ABHD12: variants seen among roughly 807,000 people sequenced by gnomAD.
ABHD12 encodes the protein lysophosphatidylserine lipase ABHD12.
ABHD12 carries 43 observed loss-of-function variants against 58.3 expected under a neutral mutation model. The ratio of observed to expected loss-of-function variants is 0.74; its 90% CI spans 0.58 to 0.95. ABHD12 has a LOEUF of 0.95. ABHD12 is among the 40% of genes least tolerant of loss of function. The pLI is 0.00. For missense variants in ABHD12, 539 were observed against 537.2 expected (o/e 1.00, Z -0.03); for synonymous variants, 219 against 211.2 (o/e 1.04, Z -0.32).
chr20:25,302,208 G>T lies in ABHD12; in HGVS notation c.1157+11C>A, dbSNP rs886315445. 2 of 1,612,870 alleles carry T rather than the reference G, an allele frequency of 1.2e-6. No homozygotes were observed. The highest frequency in any genetic ancestry group is 3.3e-5 in the Admixed American group (2 of 60,026). The stretch of plus-strand genomic sequence containing the variant: ...CAGACGAAGCCCCTGGGTGGGAAGA[G>T]AATGTCTCACCTCAGTATCCGTGGC... On this transcript the variant is annotated intron_variant, in intron 12 of 12. Coordinates refer to ENST00000339157, the MANE Select transcript of ABHD12 (RefSeq NM_001042472.3).
At chr20:25,339,415 A>G (rs1176172089) in intron 1 of ABHD12, 64 bp from the exon 2 acceptor site, 2 of 1,611,002 alleles carry the variant, frequency 1.2e-6, no homozygotes, top group Non-Finnish European at 8.5e-7. Context: ...TAGTTTGTTA[A>G]TAGTGTTATC....
intron 1 of ABHD12, among the ~76,000 whole-genome samples, chr20:25,362,603 GAGGGGAGGGAAGGAC>G (rs1354093712): frequency 4.1e-5 from 6 of 144,940 alleles, no homozygotes; most frequent in Non-Finnish European, 7.6e-5. Context: ...CAGGGGAGGG[GAGGGGAGGGAAGGAC>G]AGGGGAGGGG....
At chr20:25,295,720 T>C (rs202158449), downstream of ABHD12, 48 of 1,531,466 alleles carry the variant, frequency 3.1e-5, no homozygotes, top group Non-Finnish European at 4.3e-5. Flanking sequence ...TGGGTCCATG[T>C]AGACGTGTTG....
intron 1 of ABHD12, among the ~76,000 whole-genome samples, chr20:25,379,012 C>G (rs1041457867): frequency 6.6e-6 from 1 of 152,194 alleles, no homozygotes; most frequent in African/African-American, 2.4e-5. Context: ...AATCTGTGTA[C>G]CAGCAAGCCC....
At chr20:25,386,055 C>T (rs1237669689) in intron 1 of ABHD12, among the ~76,000 whole-genome samples, 1 of 151,526 alleles carries the variant, frequency 6.6e-6, no homozygotes, top group African/African-American at 2.4e-5. Context: ...GAGCCAAGAT[C>T]GCGCCACTGC....
rs1488647556 is a variant in ABHD12, at chr20:25,342,788, A to G, written c.192-3437T>C. ...TATTTTGTAGATACGAGGTCTCCCT[A>G]TATTGCCCAGGCTGGTCTTGAACTC... On this transcript the variant is annotated intron_variant, in intron 1 of 12. Transcript: ENST00000339157. Among the ~76,000 whole-genome samples the G allele has an allele frequency of 2.6e-5, 4 of 152,106 alleles. No individual in the cohort carries two copies. The East Asian group carries it at 5.8e-4, about 22-fold the overall frequency.
intron 2 of ABHD12, chr20:25,338,828 G>A: frequency 9.8e-7 from 1 of 1,024,290 alleles, no homozygotes; most frequent in Non-Finnish European, 1.2e-6. Context: ...AACTGACAAG[G>A]CATCTCCAAC....
intron 2 of ABHD12, among the ~76,000 whole-genome samples, chr20:25,327,992 C>G (rs1423596212): frequency 6.6e-6 from 1 of 152,030 alleles, no homozygotes; most frequent in East Asian, 1.9e-4. Context: ...ACCTGACCAT[C>G]AGCACTTCCA....
chr20:25,303,403 G>A (rs1568710676), intron 11 of ABHD12, 147 bp downstream of exon 11: 8 of 1,523,568 alleles, frequency 5.3e-6, no homozygotes, highest in Non-Finnish European at 6.1e-6. Context: ...GGATGAGGTG[G>A]CCTCCTGAGC....
intron 10 of ABHD12, among the ~76,000 whole-genome samples, chr20:25,306,568 G>C (rs564118184): frequency 4.6e-5 from 7 of 152,264 alleles, no homozygotes; most frequent in Non-Finnish European, 1.0e-4. Context: ...TTTTTGTAGA[G>C]ACAGGGCCCT....
Position 25,316,119 on chromosome 20 carries a change from T to C in ABHD12, c.573+929A>G, listed in dbSNP as rs530627191. ...CCCTTGCTGGGGTGAGCCTACGACC[T>C]GGCAGTCAGTGTAGCACCTGGAGCA... On this transcript the variant is annotated intron_variant, in intron 5 of 12. Transcript: ENST00000339157. Among the ~76,000 whole-genome samples the C allele has an allele frequency of 3.9e-4, 60 of 152,022 alleles. 1 individual carries two copies. Among genetic ancestry groups the C allele is most frequent in the Non-Finnish European group, 2.5e-4 (17 of 68,004 alleles).
intron 2 of ABHD12, among the ~76,000 whole-genome samples, chr20:25,336,598 T>C (rs925501787): frequency 6.6e-6 from 1 of 152,150 alleles, no homozygotes; most frequent in African/African-American, 2.4e-5. Context: ...TCCAAATCAC[T>C]GCAGGGCCAC....
chr20:25,317,482 G>A (rs1174183942), intron 4 of ABHD12, among the ~76,000 whole-genome samples: 2 of 152,148 alleles, frequency 1.3e-5, no homozygotes, highest in Non-Finnish European at 2.9e-5. Flanking sequence ...TTCTTGCTCC[G>A]CACGTCTCAG....
chr20:25,320,223 T>C lies in ABHD12; in HGVS notation c.518A>G (p.Tyr173Cys). 4 of 1,614,056 alleles carry C rather than the reference T, an allele frequency of 2.5e-6. No homozygotes were observed. ...CCTGGTACCTGCGTTCCCATGCAGG[T>C]ACAGAATGATAGGGTGGCTGGAAGC... Reference protein sequence around the residue: ...ALASSHPIILYLHGNAGTRGG... With the variant: ...ALASSHPIILCLHGNAGTRGG... The change falls in exon 4 of 13, where the codon TAC becomes TGC. Residue 173 changes from tyrosine (Y) to cysteine (C), a missense_variant. By Grantham distance (194) the Tyr-to-Cys change is radical. Transcript: ENST00000339157.
intron 1 of ABHD12, among the ~76,000 whole-genome samples, chr20:25,357,535 T>G (rs1200755911): frequency 6.6e-6 from 1 of 152,218 alleles, no homozygotes; most frequent in African/African-American, 2.4e-5. Flanking sequence ...GAAAAATTGG[T>G]TCTGTAGGAT....
At position 25,322,377 on chromosome 20, in the gene ABHD12, A is replaced by ATTT. The variant is rs1483645613; in HGVS notation, c.422+947_422+948insAAA. On this transcript the variant is annotated intron_variant, in intron 3 of 12. Transcript: ENST00000339157. ...TCTTGGAAAAGATATATATATATAT[A>ATTT]TATATTTTTTTTTTTTTTTGAGACA... is the stretch of plus-strand genomic sequence containing the variant. Among the ~76,000 whole-genome samples the ATTT allele has an allele frequency of 1.9e-4, 8 of 42,274 alleles. 1 individual carries two copies. The highest frequency in any genetic ancestry group is 3.1e-4 in the Admixed American group (1 of 3,238). 27.7% of individuals were successfully genotyped at this position (42,274 alleles called of 152,430 possible). A position where few individuals can be genotyped will look rare whatever the true frequency, so the allele number is the denominator to read the frequency against.
intron 1 of ABHD12, among the ~76,000 whole-genome samples, chr20:25,375,574 C>T (rs2089952317): frequency 1.3e-5 from 2 of 152,170 alleles, no homozygotes; most frequent in Admixed American, 1.3e-4. Context: ...CACCCACAAC[C>T]CTGGGAGTCC....
At chr20:25,349,481 G>A (rs953479470) in intron 1 of ABHD12, among the ~76,000 whole-genome samples, 1 of 152,212 alleles carries the variant, frequency 6.6e-6, no homozygotes, top group African/African-American at 2.4e-5. Context: ...AAAGGTGGAA[G>A]TAACCCAAGT....
intron 1 of ABHD12, 119 bp downstream of exon 1, chr20:25,390,394 G>C (rs891118795): frequency 2.9e-6 from 3 of 1,036,272 alleles, no homozygotes; most frequent in African/African-American, 3.4e-5. Context: ...GGGCGGCCGC[G>C]GATCGGGCGG....
Sources: allele counts gnomAD v4.1 joint callset (sites outside exome capture counted in the v4.1 genomes callset), GRCh38; gene constraint gnomAD v4.1.1; transcripts MANE v1.5; gene names NCBI Gene and HGNC (gene_info 2026-07-23, HGNC 2026-07-21).